Variants in INHBC observed in about 807,000 individuals in gnomAD.
INHBC encodes the protein inhibin beta C chain.
Under a neutral mutation model 12.4 loss-of-function variants are expected in INHBC, and 10 were observed. The ratio of observed to expected loss-of-function variants is 0.81; its 90% CI spans 0.50 to 1.37. The LOEUF (loss-of-function observed/expected upper bound fraction) is 1.37. Among genes scored for constraint, INHBC ranks in the 40% most tolerant of loss-of-function variants. INHBC has a pLI of 0.00. For synonymous variants in INHBC, 147 were observed against 171.6 expected, an observed-to-expected ratio of 0.86 and a Z score of 1.12; for missense variants, 382 against 439.4, an observed-to-expected ratio of 0.87 and a Z score of 1.17.
Position 57,449,994 on chromosome 12 carries a change from T to C in INHBC, c.1031T>C (p.Met344Thr), listed in dbSNP as rs553204075. Residue 344 changes from methionine (M) to threonine (T), a missense_variant, in exon 2 of 2, where the codon ATG (methionine) becomes ACG (threonine). Coordinates refer to ENST00000309668, the MANE Select transcript of INHBC (RefSeq NM_005538.4). Reference sequence around the variant, plus strand: ...ATTGTCAAGACTGACATACCTGACATGGTAGTAGAGGCCTGTGGGTGCAGT... The same window carrying C: ...ATTGTCAAGACTGACATACCTGACACGGTAGTAGAGGCCTGTGGGTGCAGT... ...SNIVKTDIPD[M>T]VVEACGCS 11 of 1,531,832 alleles carry C rather than the reference T, an allele frequency of 7.2e-6. No homozygotes were observed. Among genetic ancestry groups the C allele is most frequent in the African/African-American group, 5.5e-5 (4 of 72,766 alleles). The allele number at this position is 1,531,832 out of a possible 1,614,324, so 94.9% of individuals were successfully genotyped here. A position where few individuals can be genotyped will look rare whatever the true frequency, so the allele number is the denominator to read the frequency against.
At chr12:57,435,491 A>G (rs1413769473) in intron 1 of INHBC, among the ~76,000 whole-genome samples, 1 of 152,106 alleles carries the variant, frequency 6.6e-6, no homozygotes, top group Non-Finnish European at 1.5e-5. Flanking sequence ...ACAAACCCAC[A>G]GGCTGTGGTG....
chr12:57,435,299 T>G, intron 1 of INHBC, 100 bp downstream of exon 1: 2 of 1,136,330 alleles, frequency 1.8e-6, no homozygotes, highest in Non-Finnish European at 2.5e-6. Flanking sequence ...CCAAAAACCA[T>G]CCAACCCCTG....
intron 1 of INHBC, among the ~76,000 whole-genome samples, chr12:57,442,842 T>G (rs1303670228): frequency 6.6e-6 from 1 of 151,688 alleles, no homozygotes; most frequent in Non-Finnish European, 1.5e-5. Context: ...AATACAAAAA[T>G]TAGCTGGGCA....
chr12:57,444,451 G>A (rs962167786), intron 1 of INHBC, among the ~76,000 whole-genome samples: 1 of 151,022 alleles, frequency 6.6e-6, no homozygotes, highest in Admixed American at 6.6e-5. Flanking sequence ...TGAGGCAGGA[G>A]AATTGCTTGA....
intron 1 of INHBC, among the ~76,000 whole-genome samples, chr12:57,441,449 C>G (rs932000795): frequency 6.7e-6 from 1 of 148,344 alleles, no homozygotes; most frequent in African/African-American, 2.5e-5. Context: ...TGCTTGAACC[C>G]AGGAGGCAGA....
intron 1 of INHBC, among the ~76,000 whole-genome samples, chr12:57,444,170 C>T (rs1311560235): frequency 6.6e-6 from 1 of 152,068 alleles, no homozygotes; most frequent in African/African-American, 2.4e-5. Flanking sequence ...CAGGCACAAC[C>T]GCTGTTTTCA....
At chr12:57,440,342 T>TTG (rs1870436557) in intron 1 of INHBC, among the ~76,000 whole-genome samples, 1 of 148,972 alleles carries the variant, frequency 6.7e-6, no homozygotes, top group South Asian at 2.1e-4. Flanking sequence ...CTTTTTTTTT[T>TTG]TTTTTTTTTG....
chr12:57,435,008 A>G lies in INHBC; in HGVS notation c.122A>G (p.Glu41Gly). Residue 41 changes from glutamate (E) to glycine (G), a missense_variant, in exon 1 of 2, where the codon GAG (glutamate) becomes GGG (glycine). Physicochemically the swap from Glu to Gly is moderately conservative, Grantham distance 98. Transcript: ENST00000309668. Reference sequence around the variant, plus strand: ...ACCTTGGAACTGGAGAGCCAGCGGGAGCTGCTTCTTGATCTGGCCAAGAGA... The same window carrying G: ...ACCTTGGAACTGGAGAGCCAGCGGGGGCTGCTTCTTGATCTGGCCAAGAGA... ...GPTLELESQRELLLDLAKRSI... is the reference protein window; with the variant it reads ...GPTLELESQRGLLLDLAKRSI... 1 of 1,614,132 alleles carries G rather than the reference A, an allele frequency of 6.2e-7. No individual in the cohort carries two copies.
At chr12:57,443,007 A>G (rs1314060880) in intron 1 of INHBC, among the ~76,000 whole-genome samples, 5 of 151,670 alleles carry the variant, frequency 3.3e-5, no homozygotes, top group Non-Finnish European at 7.4e-5. Context: ...AAAAAAAAAA[A>G]GAACCTTATT....
intron 1 of INHBC, among the ~76,000 whole-genome samples, chr12:57,445,855 C>T (rs1476008408): frequency 6.6e-6 from 1 of 151,438 alleles, no homozygotes; most frequent in Non-Finnish European, 1.5e-5. Context: ...AAGTGATTCT[C>T]CTGCCTCAGC....
Position 57,449,979 on chromosome 12 carries a change from C to T in INHBC, c.1016C>T (p.Thr339Ile). 2 of 1,537,908 alleles carry T rather than the reference C, an allele frequency of 1.3e-6. No homozygotes were observed. Among genetic ancestry groups the T allele is most frequent in the South Asian group, 1.3e-5 (1 of 78,782 alleles). Residue 339 changes from threonine (T) to isoleucine (I), a missense_variant, in exon 2 of 2, where the codon ACT becomes ATT. Physicochemically the swap from Thr to Ile is moderately conservative, Grantham distance 89. Transcript: ENST00000309668. The stretch of plus-strand genomic sequence containing the variant: ...GACAGGGACAGCAACATTGTCAAGA[C>T]TGACATACCTGACATGGTAGTAGAG... ...YYDRDSNIVK[T>I]DIPDMVVEAC...
At chr12:57,440,505 G>T (rs764815701) in intron 1 of INHBC, among the ~76,000 whole-genome samples, 1 of 151,760 alleles carries the variant, frequency 6.6e-6, no homozygotes, top group African/African-American at 2.4e-5. Flanking sequence ...GCTAATTTTC[G>T]TATTTTTAGT....
At chr12:57,437,966 A>C (rs1303248358) in intron 1 of INHBC, among the ~76,000 whole-genome samples, 1 of 151,912 alleles carries the variant, frequency 6.6e-6, no homozygotes, top group Admixed American at 6.6e-5. Flanking sequence ...TTGTATTTTT[A>C]GTAGAGACGG....
intron 1 of INHBC, among the ~76,000 whole-genome samples, chr12:57,447,920 T>TAA (rs1566551460): frequency 2.2e-5 from 2 of 92,826 alleles, no homozygotes; most frequent in African/African-American, 8.7e-5. Context: ...TATATATATA[T>TAA]ATAAAATATA....
chr12:57,437,371 A>G (rs555829675), intron 1 of INHBC, among the ~76,000 whole-genome samples: 49 of 152,234 alleles, frequency 3.2e-4, no homozygotes, highest in African/African-American at 1.0e-3. Context: ...CCAGGACTCT[A>G]GAAAATGCAA....
Position 57,450,144 on chromosome 12 carries a change from G to A in INHBC, c.*122G>A, listed in dbSNP as rs1054341101. 1 of 1,093,636 alleles carries A rather than the reference G, an allele frequency of 9.1e-7. No individual in the cohort carries two copies. Among genetic ancestry groups the A allele is most frequent in the Non-Finnish European group, 1.2e-6 (1 of 810,200 alleles). 67.7% of individuals were successfully genotyped at this position (1,093,636 alleles called of 1,614,324 possible). On this transcript the variant is annotated 3_prime_UTR_variant, in exon 2 of 2. Transcript: ENST00000309668. ...CAGAATGTGGACTCCCTCTTCCTGA[G>A]CATCTTATGGAAATTACCCCACCTT... is the stretch of plus-strand genomic sequence containing the variant.
At chr12:57,440,001 A>G (rs967809006) in intron 1 of INHBC, among the ~76,000 whole-genome samples, 1 of 152,148 alleles carries the variant, frequency 6.6e-6, no homozygotes, top group African/African-American at 2.4e-5. Context: ...ATGTGTTCCC[A>G]TGACCAGCTA....
At chr12:57,439,966 G>A (rs113897814) in intron 1 of INHBC, among the ~76,000 whole-genome samples, 27 of 152,230 alleles carry the variant, frequency 1.8e-4, no homozygotes, top group Admixed American at 1.2e-3. Context: ...CTGCTTCAGC[G>A]TCCTGAGTAG....
rs1454095163 is a variant in INHBC, at chr12:57,449,666, C to T, written c.703C>T (p.Arg235Ter). The T allele has an allele frequency of 6.8e-6, 11 of 1,614,234 alleles. No individual in the cohort carries two copies. The highest frequency in any genetic ancestry group is 1.6e-4 in the Middle Eastern group (1 of 6,062). ...VRVGGKHQIH[R>*]RGIDCQGGSR... ...AGTTGGGGGCAAACACCAGATTCAC[C>T]GACGAGGCATCGACTGCCAAGGAGG... Residue 235 changes from arginine to a stop codon, truncating the protein, a stop_gained, in exon 2 of 2, where the codon CGA (arginine) becomes TGA (stop). Transcript: ENST00000309668. LOFTEE classifies it high-confidence loss of function.
Sources: gnomAD v4.1 joint callset for allele counts (sites outside exome capture counted in the v4.1 genomes callset) on GRCh38, gnomAD v4.1.1 for gene constraint, MANE v1.5 for transcripts, NCBI Gene and HGNC (gene_info 2026-07-23, HGNC 2026-07-21) for gene names.